GPC6: variants seen among roughly 807,000 people sequenced by gnomAD.
The protein encoded by GPC6 is glypican 6, also known as glypican-6.
In GPC6, 14 loss-of-function variants were observed where a neutral mutation model predicts 55.2. The observed-to-expected ratio is 0.25, with a 90% CI of 0.17 to 0.40. GPC6 has a LOEUF of 0.40. Among genes scored for constraint, GPC6 ranks in the 10% least tolerant of loss-of-function variants. GPC6 has a pLI of 1.00. For missense variants in GPC6, 641 were observed against 708.5 expected (o/e 0.90, Z 1.08); for synonymous variants, 278 against 259.6 (o/e 1.07, Z -0.68).
chr13:93,808,920 G>C (rs572807529), intron 2 of GPC6, among the ~76,000 whole-genome samples: 6 of 152,216 alleles, frequency 3.9e-5, no homozygotes, highest in Non-Finnish European at 8.8e-5. Flanking sequence ...AAACCTAGAC[G>C]TAAGGCAGGT....
At chr13:93,535,866 A>G (rs3858839) in intron 1 of GPC6, among the ~76,000 whole-genome samples, 133,843 of 151,988 alleles carry the variant, frequency 0.88, 59,335 homozygotes, top group Middle Eastern at 0.92. Flanking sequence ...AGAAAGCAAG[A>G]CTCAGACTGA....
chr13:94,168,209 A>T (rs866505558), intron 4 of GPC6, among the ~76,000 whole-genome samples: 4 of 152,202 alleles, frequency 2.6e-5, no homozygotes, highest in Non-Finnish European at 5.9e-5. Flanking sequence ...TTTACATTCT[A>T]TGACAACGTC....
At chr13:93,249,965 C>T (rs1331863181) in intron 1 of GPC6, among the ~76,000 whole-genome samples, 1 of 152,126 alleles carries the variant, frequency 6.6e-6, no homozygotes, top group East Asian at 1.9e-4. Flanking sequence ...CAGGAGAAAA[C>T]ATTTTAGTCT....
intron 1 of GPC6, among the ~76,000 whole-genome samples, chr13:93,298,773 C>T (rs959032679): frequency 6.6e-6 from 1 of 152,010 alleles, no homozygotes; most frequent in Non-Finnish European, 1.5e-5. Flanking sequence ...TTCAAACCAT[C>T]CCCTGCGTAC....
chr13:93,966,670 T>G (rs1880058855), intron 3 of GPC6, among the ~76,000 whole-genome samples: 1 of 143,394 alleles, frequency 7.0e-6, no homozygotes, highest in Admixed American at 7.1e-5. Context: ...TTTTTTTTTT[T>G]GAGATGTGGT....
chr13:93,813,423 A>T (rs1886757429), intron 2 of GPC6, among the ~76,000 whole-genome samples: 1 of 152,144 alleles, frequency 6.6e-6, no homozygotes, highest in African/African-American at 2.4e-5. Flanking sequence ...ACTTCTGGGG[A>T]TAATGTAATC....
intron 4 of GPC6, among the ~76,000 whole-genome samples, chr13:94,255,643 G>A (rs1192212688): frequency 6.6e-6 from 1 of 151,952 alleles, no homozygotes; most frequent in Non-Finnish European, 1.5e-5. Flanking sequence ...ACCTGCTCTG[G>A]GGCCTCATCA....
At chr13:94,068,178 G>A (rs2138778854) in intron 4 of GPC6, among the ~76,000 whole-genome samples, 1 of 152,266 alleles carries the variant, frequency 6.6e-6, no homozygotes. Flanking sequence ...TTACAGTCAT[G>A]GTGGAAGGCA....
chr13:93,632,555 C>G (rs1380404342), intron 2 of GPC6, among the ~76,000 whole-genome samples: 1 of 56,542 alleles, frequency 1.8e-5, no homozygotes, highest in African/African-American at 3.9e-5. Flanking sequence ...GACCACTGCA[C>G]TCCAGCCTGG....
intron 3 of GPC6, among the ~76,000 whole-genome samples, chr13:93,833,104 T>TA (rs1363551857): frequency 0.027 from 1,688 of 61,608 alleles, 62 homozygotes; most frequent in African/African-American, 0.091. Context: ...GATAGGTAGA[T>TA]GATAGAGAGA....
intron 3 of GPC6, among the ~76,000 whole-genome samples, chr13:93,841,480 A>G (rs891785446): frequency 6.6e-6 from 1 of 152,176 alleles, no homozygotes; most frequent in Non-Finnish European, 1.5e-5. Flanking sequence ...GCACAAACAC[A>G]ATGGGTCAAT....
chr13:94,288,214 A>C (rs1892583260), intron 5 of GPC6, among the ~76,000 whole-genome samples: 1 of 152,168 alleles, frequency 6.6e-6, no homozygotes, highest in African/African-American at 2.4e-5. Flanking sequence ...AATAGGAAGA[A>C]GCTTCTCCTC....
chr13:93,690,201 G>A (rs1005934190), intron 2 of GPC6, among the ~76,000 whole-genome samples: 1 of 152,056 alleles, frequency 6.6e-6, no homozygotes, highest in Non-Finnish European at 1.5e-5. Context: ...GGGTTAAGCT[G>A]AAGTCAATTT....
At chr13:93,408,852 A>G (rs1223035991) in intron 1 of GPC6, among the ~76,000 whole-genome samples, 2 of 152,112 alleles carry the variant, frequency 1.3e-5, no homozygotes, top group African/African-American at 2.4e-5. Context: ...CCTGGATGTC[A>G]CATACAGTAT....
intron 4 of GPC6, among the ~76,000 whole-genome samples, chr13:94,176,000 T>G (rs1406832967): frequency 8.1e-6 from 1 of 124,016 alleles, no homozygotes; most frequent in Non-Finnish European, 1.8e-5. Context: ...AGAGCGAGCT[T>G]GTCCAATGGA....
intron 4 of GPC6, among the ~76,000 whole-genome samples, chr13:94,100,293 A>G (rs76710629): frequency 0.038 from 5,828 of 152,246 alleles, 389 homozygotes; most frequent in African/African-American, 0.13. Context: ...GTAGCAAAGG[A>G]AAAAATCAAA....
chr13:94,281,434 A>T (rs1288384114), intron 4 of GPC6, among the ~76,000 whole-genome samples: 2 of 152,118 alleles, frequency 1.3e-5, no homozygotes, highest in South Asian at 2.1e-4. Context: ...TCATTTTTTT[A>T]AAATGAGTTT....
intron 2 of GPC6, among the ~76,000 whole-genome samples, chr13:93,669,741 T>C (rs540810582): frequency 7.2e-5 from 11 of 152,256 alleles, no homozygotes; most frequent in South Asian, 2.1e-4. Flanking sequence ...CAAGAAGTCA[T>C]TGAAACTTCA....
chr13:93,597,155 T>C (rs1448060550), intron 2 of GPC6, among the ~76,000 whole-genome samples: 1 of 152,146 alleles, frequency 6.6e-6, no homozygotes, highest in Non-Finnish European at 1.5e-5. Context: ...TCTCCTGTAC[T>C]CAATCTATTC....
Sources: allele counts gnomAD v4.1 joint callset (sites outside exome capture counted in the v4.1 genomes callset), GRCh38; gene constraint gnomAD v4.1.1; transcripts MANE v1.5; gene names NCBI Gene and HGNC (gene_info 2026-07-23, HGNC 2026-07-21).